ZNF554: variants seen among roughly 807,000 people sequenced by gnomAD.
ZNF554 encodes zinc finger protein 554.
In ZNF554, 15 loss-of-function variants were observed where a neutral mutation model predicts 21.2. The observed-to-expected ratio is 0.71, with a 90% CI of 0.47 to 1.09. The LOEUF (loss-of-function observed/expected upper bound fraction) is 1.09, where lower values mean the gene tolerates loss of function less well. Ranked by LOEUF, ZNF554 falls within the 50% of genes least tolerant of loss-of-function variation. ZNF554 has a pLI of 0.00. For missense variants in ZNF554, 691 were observed against 662.7 expected, an observed-to-expected ratio of 1.04 and a Z score of -0.47; for synonymous variants, 258 against 251.4, an observed-to-expected ratio of 1.03 and a Z score of -0.25.
intron 2 of ZNF554, among the ~76,000 whole-genome samples, chr19:2,825,309 C>A (rs949283646): frequency 1.3e-5 from 2 of 151,336 alleles, no homozygotes; most frequent in Admixed American, 1.3e-4. Flanking sequence ...CCACCACGTC[C>A]GCCCTCTGCA....
intron 2 of ZNF554, among the ~76,000 whole-genome samples, chr19:2,827,160 G>A (rs974706162): frequency 2.6e-5 from 4 of 152,162 alleles, no homozygotes; most frequent in African/African-American, 9.7e-5. Context: ...TAGTCCTCAC[G>A]ACAACACACT....
intron 1 of ZNF554, 27 bp from the exon 2 acceptor site, chr19:2,823,013 T>C: frequency 3.1e-6 from 5 of 1,609,302 alleles, no homozygotes; most frequent in Non-Finnish European, 4.2e-6. Context: ...GGATCTGGTA[T>C]TCGCAGCGCC....
Position 2,835,508 on chromosome 19 carries a change from T to A in ZNF554, c.*656T>A, listed in dbSNP as rs970489262. On this transcript the variant is annotated 3_prime_UTR_variant, in exon 5 of 5. Transcript: ENST00000317243. ...AAAAATTATAGAGTTGGGGTCTTGC[T>A]ACATTGCCAAGACTGGTCTTGAACT... 2 of 151,280 alleles carry A rather than the reference T, an allele frequency of 1.3e-5. No individual in the cohort carries two copies. Among genetic ancestry groups the A allele is most frequent in the African/African-American group, 4.9e-5 (2 of 41,064 alleles). 9.4% of individuals were successfully genotyped at this position (151,280 alleles called of 1,614,324 possible). A position where few individuals can be genotyped will look rare whatever the true frequency, so the allele number is the denominator to read the frequency against.
At chr19:2,823,203 T>G in intron 2 of ZNF554, 91 bp downstream of exon 2, 1 of 1,312,886 alleles carries the variant, frequency 7.6e-7, no homozygotes, top group Non-Finnish European at 1.1e-6. Context: ...GGAGACCCCT[T>G]GCTATGTGAA....
At chr19:2,822,529 A>G (rs1293747852) in intron 1 of ZNF554, among the ~76,000 whole-genome samples, 2 of 152,148 alleles carry the variant, frequency 1.3e-5, no homozygotes, top group Non-Finnish European at 2.9e-5. Context: ...GGTGTTTTGT[A>G]AACTTGTTTG....
At chr19:2,820,694 T>C (rs2087251351) in intron 1 of ZNF554, among the ~76,000 whole-genome samples, 1 of 147,248 alleles carries the variant, frequency 6.8e-6, no homozygotes, top group South Asian at 2.2e-4. Context: ...CTTTTTTTTT[T>C]TTTTTTGAGA....
chr19:2,834,647 G>C lies in ZNF554; in HGVS notation c.1412G>C (p.Arg471Thr), dbSNP rs866684388. Residue 471 changes from arginine (R) to threonine (T), a missense_variant, in exon 5 of 5, where the codon AGA (arginine) becomes ACA (threonine). Arg to Thr is a moderately conservative substitution (Grantham distance 71, BLOSUM62 -1). Transcript: ENST00000317243. The stretch of plus-strand genomic sequence containing the variant: ...CCCTATGAATGTAAGCAGTGTGGGA[G>C]AGCCTTCAGCCAGAGGTCTTCCCTT... Reference protein sequence around the residue: ...ENPYECKQCGRAFSQRSSLVR... With the variant: ...ENPYECKQCGTAFSQRSSLVR... 1.2e-6 allele frequency: 2 copies of C among 1,613,912 alleles called. No individual in the cohort carries two copies. The highest frequency in any genetic ancestry group is 1.7e-6 in the Non-Finnish European group (2 of 1,179,948).
intron 3 of ZNF554, chr19:2,831,288 G>T (rs2087412961): frequency 6.6e-6 from 1 of 151,228 alleles, no homozygotes; most frequent in East Asian, 1.9e-4. Flanking sequence ...ATCGATTTTT[G>T]GGGGAAATGT....
intron 3 of ZNF554, among the ~76,000 whole-genome samples, chr19:2,830,005 AG>A (rs200275241): frequency 0.052 from 7,981 of 152,114 alleles, 340 homozygotes; most frequent in East Asian, 0.2. Flanking sequence ...GCTCACTGCA[AG>A]CTCCGCCTCC....
At chr19:2,824,233 C>G (rs1905423419) in intron 2 of ZNF554, among the ~76,000 whole-genome samples, 1 of 152,216 alleles carries the variant, frequency 6.6e-6, no homozygotes, top group African/African-American at 2.4e-5. Context: ...TCACTTGTCT[C>G]CAGCTCCTGC....
chr19:2,832,083 G>A (rs1210943790), intron 3 of ZNF554: 12 of 343,332 alleles, frequency 3.5e-5, no homozygotes, highest in South Asian at 2.6e-4. Flanking sequence ...GCACCACCAC[G>A]CCCAGCTAAT....
rs182872936 is a variant in ZNF554 at position 2,834,611 on chromosome 19, C to T, written c.1376C>T (p.Thr459Met). 1.7e-5 allele frequency: 28 copies of T among 1,614,092 alleles called. No homozygotes were observed. The highest frequency in any genetic ancestry group is 1.6e-4 in the Middle Eastern group (1 of 6,062). Residue 459 changes from threonine (T) to methionine (M), a missense_variant, in exon 5 of 5, where the codon ACG (threonine) becomes ATG (methionine). By Grantham distance (81) the Thr-to-Met change is moderately conservative. Transcript: ENST00000317243. ...SSLNQHERTH[T>M]GENPYECKQC... is the part of the protein sequence containing the mutation. Reference sequence around the variant, plus strand: ...CTCAACCAGCACGAGCGAACTCACACGGGCGAGAACCCCTATGAATGTAAG... The same window carrying T: ...CTCAACCAGCACGAGCGAACTCACATGGGCGAGAACCCCTATGAATGTAAG...
intron 3 of ZNF554, among the ~76,000 whole-genome samples, chr19:2,829,040 T>TA (rs559408920): frequency 7.6e-4 from 111 of 146,664 alleles, no homozygotes; most frequent in African/African-American, 1.3e-3. Flanking sequence ...GAGCCATCAT[T>TA]AAAAAAAAAA....
At chr19:2,829,034 C>A (rs956781300) in intron 3 of ZNF554, among the ~76,000 whole-genome samples, 1 of 151,654 alleles carries the variant, frequency 6.6e-6, no homozygotes, top group Non-Finnish European at 1.5e-5. Context: ...GGTAAAGAGC[C>A]ATCATTAAAA....
rs1451608343 is a variant in ZNF554, at chr19:2,834,364, G to A, written c.1129G>A (p.Glu377Lys). ...LTRHLRTHTG[E>K]KPYGCGECGK... ...GCGCCATCTGAGAACTCATACTGGA[G>A]AGAAGCCCTACGGGTGCGGTGAGTG... Residue 377 changes from glutamate to lysine, a missense_variant, in exon 5 of 5, where the codon GAG (glutamate) becomes AAG (lysine). Physicochemically the swap from Glu to Lys is moderately conservative, Grantham distance 56. Coordinates refer to ENST00000317243, the MANE Select transcript of ZNF554 (RefSeq NM_001102651.2). 7 of 1,614,054 alleles carry A rather than the reference G, an allele frequency of 4.3e-6. No homozygotes were observed. The East Asian group carries it at 6.7e-5, about 15-fold the overall frequency.
rs1209939580 is a variant in ZNF554, at chr19:2,834,279, G to A, written c.1044G>A (p.Gly348=). The change falls in exon 5 of 5, where the codon GGG becomes GGA. Residue 348 remains glycine, a synonymous_variant. Coordinates refer to ENST00000317243, the MANE Select transcript of ZNF554 (RefSeq NM_001102651.2). ...SLSEHQRIHT[G]EKPYECQECG... is the part of the protein sequence containing the mutation. The stretch of plus-strand genomic sequence containing the variant: ...GCGAACATCAAAGAATTCACACGGG[G>A]GAGAAACCCTACGAGTGTCAGGAGT... 1.2e-6 allele frequency: 2 copies of A among 1,613,994 alleles called. No individual in the cohort carries two copies.
In ZNF554 at chr19:2,820,176, C is replaced by T. The variant is rs1011646024; in HGVS notation, c.53+52C>T. ...GACCTCCGTGCCGGGCCTGCCGGGG[C>T]TCTGGTGGGGCTGGGTCTGGCGGGG... On this transcript the variant is annotated intron_variant, in intron 1 of 4. Transcript: ENST00000317243. The T allele has an allele frequency of 2.6e-4, 313 of 1,213,212 alleles. 2 individuals carry two copies. In the African/African-American group the frequency reaches 4.4e-3, roughly 17 times the overall value. 75.2% of individuals were successfully genotyped at this position (1,213,212 alleles called of 1,614,324 possible).
In ZNF554 at chr19:2,825,000, G is replaced by GTTTTTTTTTTTTTTTTTTTTTTTTTT. The variant is rs1568332468; in HGVS notation, c.126+1890_126+1891insTTTTTTTTTTTTTTTTTTTTTTTTTT. Among the ~76,000 whole-genome samples, 2 of 114,914 alleles carry GTTTTTTTTTTTTTTTTTTTTTTTTTT rather than the reference G, an allele frequency of 1.7e-5. 1 individual carries two copies. The allele number at this position is 114,914 out of a possible 152,430, so 75.4% of individuals were successfully genotyped here. A position where few individuals can be genotyped will look rare whatever the true frequency, so the allele number is the denominator to read the frequency against. ...TCTCACTGAGCATAACGTGATTGCA[G>GTTTTTTTTTTTTTTTTTTTTTTTTTT]TTGTTTTTTTTTTTTTTTTTTTTTT... is the stretch of plus-strand genomic sequence containing the variant. On this transcript the variant is annotated intron_variant, in intron 2 of 4. Coordinates refer to ENST00000317243, the MANE Select transcript of ZNF554 (RefSeq NM_001102651.2).
At position 2,834,864 on chromosome 19, in the gene ZNF554, T is replaced by C. The variant is rs1340967439; in HGVS notation, c.*12T>C. ...TTATTGGATATTAGCAATTGCACGC[T>C]GCTTTGTAAGCCACTTTTTAGTACT... On this transcript the variant is annotated 3_prime_UTR_variant, in exon 5 of 5. Transcript: ENST00000317243. 2.6e-6 allele frequency: 4 copies of C among 1,558,642 alleles called. No individual in the cohort carries two copies. Among genetic ancestry groups the C allele is most frequent in the Non-Finnish European group, 3.5e-6 (4 of 1,150,324 alleles).
Sources: gnomAD v4.1 joint callset for allele counts (sites outside exome capture counted in the v4.1 genomes callset) on GRCh38, gnomAD v4.1.1 for gene constraint, MANE v1.5 for transcripts, NCBI Gene and HGNC (gene_info 2026-07-23, HGNC 2026-07-21) for gene names.